Variants in HS3ST1 observed in about 807,000 individuals in gnomAD.
The protein encoded by HS3ST1 is heparan sulfate-glucosamine 3-sulfotransferase 1.
Under a neutral mutation model 20.7 loss-of-function variants are expected in HS3ST1, and 8 were observed. That is an observed-to-expected ratio of 0.39 (90% confidence interval 0.23 to 0.70). HS3ST1 has a LOEUF of 0.70. Ranked by LOEUF, HS3ST1 falls within the 30% of genes least tolerant of loss-of-function variation. The probability of loss-of-function intolerance (pLI) is 0.46; values close to 1 mark genes in which losing one functional copy is unlikely to be tolerated. For missense variants in HS3ST1, 436 were observed against 423.4 expected, an observed-to-expected ratio of 1.03 and a Z score of -0.26; for synonymous variants, 205 against 190.4, an observed-to-expected ratio of 1.08 and a Z score of -0.63.
At chr4:11,433,917 CTG>C (rs1426073498), upstream of HS3ST1, among the ~76,000 whole-genome samples, 1 of 152,200 alleles carries the variant, frequency 6.6e-6, no homozygotes, top group African/African-American at 2.4e-5. Context: ...AGCATTTGAA[CTG>C]TGACTCTCAG....
At chr4:11,421,334 T>C (rs1183370065) in intron 1 of HS3ST1, among the ~76,000 whole-genome samples, 2 of 150,244 alleles carry the variant, frequency 1.3e-5, no homozygotes, top group African/African-American at 4.8e-5. Flanking sequence ...CTCAGAAATC[T>C]ATAACCAACA....
At chr4:11,408,169 T>C (rs772504307) in intron 1 of HS3ST1, among the ~76,000 whole-genome samples, 2 of 152,196 alleles carry the variant, frequency 1.3e-5, no homozygotes, top group Non-Finnish European at 2.9e-5. Flanking sequence ...ATCTTAGCTC[T>C]GTAACTTGAA....
At chr4:11,415,741 A>G (rs1718763131) in intron 1 of HS3ST1, among the ~76,000 whole-genome samples, 2 of 152,252 alleles carry the variant, frequency 1.3e-5, no homozygotes, top group Admixed American at 6.5e-5. Context: ...ACAACTTATC[A>G]TAAGATAATT....
chr4:11,425,900 C>T (rs1374520626), intron 1 of HS3ST1, among the ~76,000 whole-genome samples: 1 of 151,982 alleles, frequency 6.6e-6, no homozygotes, highest in African/African-American at 2.4e-5. Flanking sequence ...AAAGAGCAGC[C>T]TCAATTGAAA....
chr4:11,417,935 C>T (rs1356869004), intron 1 of HS3ST1, among the ~76,000 whole-genome samples: 1 of 152,232 alleles, frequency 6.6e-6, no homozygotes, highest in Non-Finnish European at 1.5e-5. Context: ...ATATTCGATT[C>T]ATTTTCCTCT....
In HS3ST1 at chr4:11,399,436, G is replaced by A. The variant is rs765088727; in HGVS notation, c.570C>T (p.Ala190=). 4.3e-6 allele frequency: 7 copies of A among 1,613,974 alleles called. No homozygotes were observed. Among genetic ancestry groups the A allele is most frequent in the Non-Finnish European group, 5.9e-6 (7 of 1,179,986 alleles). ...RDGRLNVDYK[A]LNRSLYHVHM... is the part of the protein sequence containing the mutation. ...GCACGTGGTAGAGGCTGCGGTTGAGGGCCTTGTAGTCCACATTGAGCCTGC... is the reference window on the plus strand; with the variant it reads ...GCACGTGGTAGAGGCTGCGGTTGAGAGCCTTGTAGTCCACATTGAGCCTGC... The change falls in exon 2 of 2, where the codon GCC becomes GCT. Residue 190 remains alanine (A), a synonymous_variant. Transcript: ENST00000002596. The surrounding 1 kb of genome is among the most constrained non-coding windows in gnomAD (Gnocchi z 5.1).
upstream of HS3ST1, among the ~76,000 whole-genome samples, chr4:11,432,601 C>T (rs531728367): frequency 6.6e-6 from 1 of 152,186 alleles, no homozygotes. Flanking sequence ...TCCACAGAGC[C>T]AGTTGGGTAG....
At chr4:11,417,292 T>C (rs1718809949) in intron 1 of HS3ST1, among the ~76,000 whole-genome samples, 1 of 152,212 alleles carries the variant, frequency 6.6e-6, no homozygotes, top group South Asian at 2.1e-4. Flanking sequence ...TGGAGGGCGT[T>C]ATGTTCCATG....
rs2108878257 is a variant in HS3ST1 at position 11,397,867 on chromosome 4, G to A, written c.*1215C>T. The A allele has an allele frequency of 6.6e-6, 1 of 152,220 alleles. No homozygotes were observed. Among genetic ancestry groups the A allele is most frequent in the African/African-American group, 2.4e-5 (1 of 41,524 alleles). The allele number at this position is 152,220 out of a possible 1,614,324, so 9.4% of individuals were successfully genotyped here. A position where few individuals can be genotyped will look rare whatever the true frequency, so the allele number is the denominator to read the frequency against. On this transcript the variant is annotated 3_prime_UTR_variant, in exon 2 of 2. Transcript: ENST00000002596. The stretch of plus-strand genomic sequence containing the variant: ...TTTTATTTTTATTAAAATCCAATGG[G>A]TTTAATTCTGTAAAAGGCTGACTGC...
At chr4:11,421,167 C>T (rs1219498405) in intron 1 of HS3ST1, among the ~76,000 whole-genome samples, 1 of 152,142 alleles carries the variant, frequency 6.6e-6, no homozygotes, top group Non-Finnish European at 1.5e-5. Context: ...TTGGCCATCT[C>T]CCTCAATCCT....
intron 1 of HS3ST1, among the ~76,000 whole-genome samples, chr4:11,417,913 T>G (rs1048077792): frequency 6.6e-6 from 1 of 152,226 alleles, no homozygotes; most frequent in Non-Finnish European, 1.5e-5. Context: ...GAGGGATCAA[T>G]TCAGAGTTAC....
At chr4:11,428,594 T>C (rs1256405417) in intron 1 of HS3ST1, 105 bp downstream of exon 1, 1 of 152,704 alleles carries the variant, frequency 6.5e-6, no homozygotes, top group Non-Finnish European at 1.5e-5. Flanking sequence ...TCGATTCTTC[T>C]TAGGTTCTGC....
intron 1 of HS3ST1, among the ~76,000 whole-genome samples, 168 bp from the exon 2 acceptor site, chr4:11,400,281 A>AT (rs1362184405): frequency 6.6e-6 from 1 of 152,284 alleles, no homozygotes; most frequent in South Asian, 2.1e-4. Flanking sequence ...AGTCCAGAGA[A>AT]TAAGTATTTT....
rs967176753 is a variant in HS3ST1 at position 11,393,192 on chromosome 4, A to T, written c.*5890T>A. 5 of 152,350 alleles carry T rather than the reference A, an allele frequency of 3.3e-5. No individual in the cohort carries two copies. The East Asian group carries it at 5.8e-4, about 18-fold the overall frequency. 9.4% of individuals were successfully genotyped at this position (152,350 alleles called of 1,614,324 possible). A position where few individuals can be genotyped will look rare whatever the true frequency, so the allele number is the denominator to read the frequency against. ...ATTTATCAAACAATAGAAATACAAG[A>T]TGTTGCTACATAAGATGGAGCAATA... On this transcript the variant is annotated 3_prime_UTR_variant, in exon 2 of 2. Coordinates refer to ENST00000002596, the MANE Select transcript of HS3ST1 (RefSeq NM_005114.4).
chr4:11,418,192 G>A (rs900951151), intron 1 of HS3ST1, among the ~76,000 whole-genome samples: 1 of 152,222 alleles, frequency 6.6e-6, no homozygotes, highest in African/African-American at 2.4e-5. Flanking sequence ...TTAGCCACCT[G>A]GAGGGGAGGA....
rs4697887 is a variant in HS3ST1 at position 11,412,111 on chromosome 4, C to T, written c.-108-11998G>A. Among the ~76,000 whole-genome samples, 946 of 152,304 alleles carry T rather than the reference C, an allele frequency of 6.2e-3. 37 individuals carry two copies. Among genetic ancestry groups the T allele is most frequent in the Admixed American group, 0.052 (791 of 15,294 alleles). On this transcript the variant is annotated intron_variant, in intron 1 of 1. Coordinates refer to ENST00000002596, the MANE Select transcript of HS3ST1 (RefSeq NM_005114.4). ...CCCAATAGCTGATAAAGCTTCTATTCAGGTAATCAATAATTCGGACACATA... is the reference window on the plus strand; with the variant it reads ...CCCAATAGCTGATAAAGCTTCTATTTAGGTAATCAATAATTCGGACACATA...
chr4:11,407,738 GC>G (rs1218213728), intron 1 of HS3ST1, among the ~76,000 whole-genome samples: 1 of 152,224 alleles, frequency 6.6e-6, no homozygotes, highest in Non-Finnish European at 1.5e-5. Flanking sequence ...CAGGCATAGT[GC>G]TTTCCAAACA....
chr4:11,402,251 T>C (rs1718345920), intron 1 of HS3ST1, among the ~76,000 whole-genome samples: 1 of 152,150 alleles, frequency 6.6e-6, no homozygotes, highest in South Asian at 2.1e-4. Flanking sequence ...AGATGGAAGG[T>C]TTTAGAGAAC....
At chr4:11,421,621 A>C (rs1194482644) in intron 1 of HS3ST1, among the ~76,000 whole-genome samples, 3 of 152,232 alleles carry the variant, frequency 2.0e-5, no homozygotes, top group Non-Finnish European at 4.4e-5. Context: ...ACAACCTACC[A>C]CAGGGTGTAC....
Sources: gnomAD v4.1 joint callset for allele counts (sites outside exome capture counted in the v4.1 genomes callset) on GRCh38, gnomAD v4.1.1 for gene constraint, Gnocchi (gnomAD v3.1) non-coding constraint, MANE v1.5 for transcripts, NCBI Gene and HGNC (gene_info 2026-07-23, HGNC 2026-07-21) for gene names.